Variants in TMEM178B observed in about 807,000 individuals in gnomAD.
The protein encoded by TMEM178B is transmembrane protein 178B.
Under a neutral mutation model 31.0 loss-of-function variants are expected in TMEM178B, and 5 were observed. The observed-to-expected ratio is 0.16, with a 90% CI of 0.08 to 0.34. The LOEUF (loss-of-function observed/expected upper bound fraction) is 0.34, where lower values mean the gene tolerates loss of function less well. Ranked by LOEUF, TMEM178B falls within the 10% of genes least tolerant of loss-of-function variation. The pLI is 1.00. For missense variants in TMEM178B, 275 were observed against 400.3 expected (o/e 0.69, Z 2.67); for synonymous variants, 164 against 164.0 (o/e 1.00, Z 0.00).
chr7:141,495,890 GC>G, the TMEM178B span, among the ~76,000 whole-genome samples: 1 of 152,174 alleles, frequency 6.6e-6, no homozygotes, highest in Non-Finnish European at 1.5e-5. Context: ...GTTGAGAGTC[GC>G]CCTGGACTGG....
At chr7:141,352,905 A>G (rs907408946) in intron 2 of TMEM178B, 2 of 152,240 alleles carry the variant, frequency 1.3e-5, no homozygotes, top group Admixed American at 1.3e-4. Flanking sequence ...AGTATCCCAA[A>G]TGTGCCAGGC....
At chr7:141,349,399 GA>G (rs1414756569) in intron 2 of TMEM178B, among the ~76,000 whole-genome samples, 11 of 152,166 alleles carry the variant, frequency 7.2e-5, no homozygotes, top group Non-Finnish European at 1.2e-4. Flanking sequence ...AGATAGACAG[GA>G]AAGGGGCCCA....
At chr7:141,297,296 C>A (rs1479345217) in intron 2 of TMEM178B, among the ~76,000 whole-genome samples, 1 of 152,170 alleles carries the variant, frequency 6.6e-6, no homozygotes. Flanking sequence ...GGAGCCCAAG[C>A]AGTGTTGTGG....
chr7:141,275,214 A>G (rs925880212), intron 2 of TMEM178B, among the ~76,000 whole-genome samples: 34 of 152,200 alleles, frequency 2.2e-4, no homozygotes, highest in Non-Finnish European at 1.5e-5. Flanking sequence ...CCATCCAACA[A>G]CAACAACAAA....
At chr7:141,127,423 T>G (rs757232990) in intron 1 of TMEM178B, among the ~76,000 whole-genome samples, 4 of 152,160 alleles carry the variant, frequency 2.6e-5, no homozygotes, top group Non-Finnish European at 5.9e-5. Context: ...CATCCTGGAT[T>G]TGGGGTGAGC....
In TMEM178B at chr7:141,474,048, C is replaced by T. The variant is rs554198114; in HGVS notation, c.*3262C>T. ...TGAGGGCATTTAGGGTCAATGACCT[C>T]ACTAAAGTCACCAGCCGCAACCCCA... is the stretch of plus-strand genomic sequence containing the variant. On this transcript the variant is annotated 3_prime_UTR_variant, in exon 4 of 4. Coordinates refer to ENST00000565468, the MANE Select transcript of TMEM178B (RefSeq NM_001195278.2). 2.6e-5 allele frequency: 4 copies of T among 152,290 alleles called. 1 individual carries two copies. In the South Asian group the frequency reaches 8.3e-4, roughly 32 times the overall value. The allele number at this position is 152,290 out of a possible 1,614,324, so 9.4% of individuals were successfully genotyped here.
At chr7:141,228,457 CACTT>C (rs538227111) in intron 2 of TMEM178B, among the ~76,000 whole-genome samples, 18 of 151,948 alleles carry the variant, frequency 1.2e-4, no homozygotes, top group Non-Finnish European at 2.6e-4. Flanking sequence ...GAGTAGCTAT[CACTT>C]ACTCTCAGAA....
intron 2 of TMEM178B, among the ~76,000 whole-genome samples, chr7:141,284,059 C>A (rs967806293): frequency 6.6e-6 from 1 of 152,204 alleles, no homozygotes; most frequent in East Asian, 1.9e-4. Flanking sequence ...CTTATTAAGG[C>A]TTGGTGTTCT....
intron 2 of TMEM178B, among the ~76,000 whole-genome samples, chr7:141,276,373 G>A (rs1019763976): frequency 6.6e-6 from 1 of 152,160 alleles, no homozygotes; most frequent in Non-Finnish European, 1.5e-5. Flanking sequence ...ACATACCTGA[G>A]ACTGGGTAAT....
chr7:141,328,132 G>A (rs1360843046), intron 2 of TMEM178B, among the ~76,000 whole-genome samples: 4 of 152,220 alleles, frequency 2.6e-5, no homozygotes, highest in Admixed American at 6.5e-5. Flanking sequence ...GGAGAAGATA[G>A]GGGTAAGGTT....
At chr7:141,414,461 T>C (rs1586944876) in intron 2 of TMEM178B, 1 of 152,582 alleles carries the variant, frequency 6.6e-6, no homozygotes, top group Non-Finnish European at 1.5e-5. Flanking sequence ...ATACCAATTG[T>C]TGGAATAGTT....
At chr7:141,262,945 A>C (rs1010450729) in intron 2 of TMEM178B, among the ~76,000 whole-genome samples, 2 of 152,034 alleles carry the variant, frequency 1.3e-5, no homozygotes, top group South Asian at 2.1e-4. Flanking sequence ...TTACCACCAA[A>C]ATGCATTTTC....
rs1330644404 is a variant in TMEM178B, at chr7:141,171,356, TCTTA to T, written c.383-41231_383-41228del. Among the ~76,000 whole-genome samples the T allele has an allele frequency of 6.6e-6, 1 of 152,244 alleles. No individual in the cohort carries two copies. The highest frequency in any genetic ancestry group is 1.5e-5 in the Non-Finnish European group (1 of 68,038). On this transcript the variant is annotated intron_variant, in intron 1 of 3. Coordinates refer to ENST00000565468, the MANE Select transcript of TMEM178B (RefSeq NM_001195278.2). This position sits in a 1 kb window ranked among gnomAD's most constrained non-coding sequence, Gnocchi z 4.3. ...GTGTTCTAAGTGCTTACACACATTA[TCTTA>T]CTTTGTTTATATAACAATGCTATGA...
intron 3 of TMEM178B, 46 bp downstream of exon 3, chr7:141,437,791 G>A: frequency 6.5e-7 from 1 of 1,534,316 alleles, no homozygotes; most frequent in Non-Finnish European, 8.7e-7. Flanking sequence ...ACAGGGTCCT[G>A]TTTACCACAA....
At chr7:141,345,842 A>G (rs745742126) in intron 2 of TMEM178B, among the ~76,000 whole-genome samples, 3 of 152,234 alleles carry the variant, frequency 2.0e-5, no homozygotes, top group Non-Finnish European at 4.4e-5. Flanking sequence ...GTTGTTAACT[A>G]AATGAGACCT....
intron 2 of TMEM178B, among the ~76,000 whole-genome samples, chr7:141,376,165 G>T (rs570117430): frequency 6.6e-6 from 1 of 152,210 alleles, no homozygotes; most frequent in Admixed American, 6.5e-5. Flanking sequence ...TATATTTAAG[G>T]GTAACCAAAT....
At chr7:141,129,786 A>G (rs574899106) in intron 1 of TMEM178B, among the ~76,000 whole-genome samples, 1 of 152,302 alleles carries the variant, frequency 6.6e-6, no homozygotes, top group Admixed American at 6.5e-5. Context: ...ATGGGACGTC[A>G]ATCAAATACA....
intron 1 of TMEM178B, among the ~76,000 whole-genome samples, chr7:141,117,322 A>C (rs967894267): frequency 1.3e-5 from 2 of 152,050 alleles, no homozygotes; most frequent in African/African-American, 2.4e-5. Context: ...TCTTTTGAGA[A>C]GTGTCTGTTC....
At chr7:141,438,327 C>T (rs1266016765) in intron 3 of TMEM178B, among the ~76,000 whole-genome samples, 1 of 152,090 alleles carries the variant, frequency 6.6e-6, no homozygotes, top group Non-Finnish European at 1.5e-5. Flanking sequence ...AGGGATTCTA[C>T]ATAAGGAGAA....
Sources: gnomAD v4.1 joint callset for allele counts (sites outside exome capture counted in the v4.1 genomes callset) on GRCh38, gnomAD v4.1.1 for gene constraint, Gnocchi (gnomAD v3.1) non-coding constraint, MANE v1.5 for transcripts, NCBI Gene and HGNC (gene_info 2026-07-23, HGNC 2026-07-21) for gene names.